NRXN1: variants seen among roughly 807,000 people sequenced by gnomAD.
NRXN1 encodes neurexin 1, also known as neurexin-1.
NRXN1 carries 39 observed loss-of-function variants against 150.9 expected under a neutral mutation model. That is an observed-to-expected ratio of 0.26 (90% CI 0.20 to 0.34). The LOEUF (loss-of-function observed/expected upper bound fraction) is 0.34. Ranked by LOEUF, NRXN1 falls within the 10% of genes least tolerant of loss-of-function variation. The pLI, the probability that NRXN1 is intolerant of heterozygous loss-of-function variation, is 1.00. For synonymous variants in NRXN1, 924 were observed against 757.0 expected, an observed-to-expected ratio of 1.22 and a Z score of -3.62; for missense variants, 1,815 against 1,949.9, an observed-to-expected ratio of 0.93 and a Z score of 1.30.
intron 21 of NRXN1, among the ~76,000 whole-genome samples, chr2:49,987,995 G>A (rs1681223286): frequency 6.6e-6 from 1 of 151,586 alleles, no homozygotes; most frequent in Non-Finnish European, 1.5e-5. Flanking sequence ...GTCTATGAGT[G>A]GAACAAAAAA....
At chr2:50,308,093 T>C (rs1011870733) in intron 17 of NRXN1, among the ~76,000 whole-genome samples, 1 of 151,974 alleles carries the variant, frequency 6.6e-6, no homozygotes, top group Non-Finnish European at 1.5e-5. Context: ...TACCTTTTTT[T>C]GTTGTTGTTG....
chr2:50,868,805 C>T (rs1316497038), intron 5 of NRXN1, among the ~76,000 whole-genome samples: 1 of 151,726 alleles, frequency 6.6e-6, no homozygotes, highest in East Asian at 1.9e-4. Context: ...CATTGGTTTA[C>T]CTCTTTCCCC....
At chr2:51,021,171 A>T (rs1669546640) in intron 2 of NRXN1, among the ~76,000 whole-genome samples, 1 of 152,040 alleles carries the variant, frequency 6.6e-6, no homozygotes, top group Non-Finnish European at 1.5e-5. Context: ...AAAAATATAA[A>T]AATAATTTAT....
chr2:50,234,711 C>G (rs549008786), intron 18 of NRXN1, among the ~76,000 whole-genome samples: 1 of 151,808 alleles, frequency 6.6e-6, no homozygotes, highest in African/African-American at 2.4e-5. Context: ...ACACGGTTTA[C>G]GAGCAAGGGA....
chr2:50,692,780 C>A (rs903706776), intron 5 of NRXN1, among the ~76,000 whole-genome samples: 7 of 152,060 alleles, frequency 4.6e-5, no homozygotes, highest in African/African-American at 1.4e-4. Context: ...CCCCTCTGAT[C>A]TGTTCTTGTC....
At chr2:50,094,680 G>C (rs1433266963) in intron 18 of NRXN1, among the ~76,000 whole-genome samples, 2 of 151,916 alleles carry the variant, frequency 1.3e-5, no homozygotes, top group East Asian at 1.9e-4. Flanking sequence ...CCCTAGGTTA[G>C]AGTCTGTGTA....
At chr2:50,414,089 A>T (rs1284680700) in intron 17 of NRXN1, among the ~76,000 whole-genome samples, 1 of 151,808 alleles carries the variant, frequency 6.6e-6, no homozygotes, top group African/African-American at 2.4e-5. Context: ...AGGATGATTA[A>T]TGGGTACTAA....
chr2:50,306,879 C>G (rs75169336), intron 17 of NRXN1, among the ~76,000 whole-genome samples: 13,241 of 152,198 alleles, frequency 0.087, 663 homozygotes, highest in Middle Eastern at 0.14. Flanking sequence ...ATAAATAGTT[C>G]TTCAGTTTCC....
intron 18 of NRXN1, among the ~76,000 whole-genome samples, chr2:50,115,217 GTATA>G (rs35673922): frequency 0.053 from 7,100 of 134,856 alleles, 194 homozygotes; most frequent in African/African-American, 0.059. Context: ...TATGTTATGT[GTATA>G]TATATATATA....
intron 17 of NRXN1, among the ~76,000 whole-genome samples, chr2:50,423,777 G>A (rs778945366): frequency 6.6e-6 from 1 of 152,106 alleles, no homozygotes; most frequent in East Asian, 1.9e-4. Flanking sequence ...GGAAAAGAAA[G>A]AAAGAAATTT....
intron 18 of NRXN1, among the ~76,000 whole-genome samples, chr2:50,214,329 T>C (rs1218780711): frequency 6.6e-6 from 1 of 151,986 alleles, no homozygotes; most frequent in African/African-American, 2.4e-5. Context: ...AGCATACGTC[T>C]TTCTCTTTTT....
At chr2:50,759,902 G>T (rs913115074) in intron 5 of NRXN1, among the ~76,000 whole-genome samples, 25 of 150,286 alleles carry the variant, frequency 1.7e-4, no homozygotes, top group Non-Finnish European at 3.6e-4. Context: ...GATCCCTGGG[G>T]TGAAGATCAC....
At chr2:50,509,184 C>G (rs961480613) in intron 12 of NRXN1, among the ~76,000 whole-genome samples, 6 of 152,192 alleles carry the variant, frequency 3.9e-5, no homozygotes, top group Non-Finnish European at 8.8e-5. Context: ...CTACTCAAAG[C>G]CTGCATGCTT....
intron 17 of NRXN1, among the ~76,000 whole-genome samples, chr2:50,321,521 T>C (rs2076037602): frequency 6.6e-6 from 1 of 152,168 alleles, no homozygotes; most frequent in African/African-American, 2.4e-5. Flanking sequence ...CATAGCTTTA[T>C]AAATTTGTAG....
chr2:50,214,809 T>C (rs776487025), intron 18 of NRXN1, among the ~76,000 whole-genome samples: 1 of 152,014 alleles, frequency 6.6e-6, no homozygotes, highest in Non-Finnish European at 1.5e-5. Context: ...TGCACCATGA[T>C]GACTTCAATG....
intron 21 of NRXN1, among the ~76,000 whole-genome samples, chr2:50,018,720 A>G (rs773833503): frequency 2.0e-5 from 3 of 152,232 alleles, no homozygotes; most frequent in Non-Finnish European, 4.4e-5. Context: ...ATTCTGTTAC[A>G]AAAATCTTTC....
At chr2:50,843,390 G>GA (rs1421755431) in intron 5 of NRXN1, among the ~76,000 whole-genome samples, 5 of 151,968 alleles carry the variant, frequency 3.3e-5, no homozygotes, top group South Asian at 2.1e-4. Flanking sequence ...TTTCCTGATA[G>GA]AAAAAAACAA....
intron 18 of NRXN1, among the ~76,000 whole-genome samples, chr2:50,095,081 G>C (rs1700047890): frequency 6.6e-6 from 1 of 152,150 alleles, no homozygotes; most frequent in Non-Finnish European, 1.5e-5. Flanking sequence ...TGAAAGCCAT[G>C]GAAACAATCG....
At chr2:49,977,122 T>A (rs1573175537) in intron 21 of NRXN1, among the ~76,000 whole-genome samples, 1 of 152,194 alleles carries the variant, frequency 6.6e-6, no homozygotes, top group South Asian at 2.1e-4. Flanking sequence ...GCTCTTGTTG[T>A]TATTCAGATT....
Sources: allele counts gnomAD v4.1 joint callset (sites outside exome capture counted in the v4.1 genomes callset), GRCh38; gene constraint gnomAD v4.1.1; transcripts MANE v1.5; gene names NCBI Gene and HGNC (gene_info 2026-07-23, HGNC 2026-07-21).